The following GSR variants were observed in gnomAD, a reference collection of about 807,000 sequenced individuals.
GSR encodes glutathione-disulfide reductase, also known as glutathione reductase, mitochondrial.
A neutral mutation model predicts 56.5 loss-of-function variants in GSR; 48 were observed. The observed-to-expected ratio is 0.85, with a 90% CI of 0.67 to 1.08. The LOEUF (loss-of-function observed/expected upper bound fraction) is 1.08, where lower values mean the gene tolerates loss of function less well. GSR is among the 50% of genes least tolerant of loss of function. The pLI is 0.00. For synonymous variants in GSR, 264 were observed against 270.8 expected (o/e 0.97, Z 0.25); for missense variants, 694 against 703.3 (o/e 0.99, Z 0.15).
intron 1 of GSR, among the ~76,000 whole-genome samples, chr8:30,725,811 G>A (rs1285166834): frequency 1.3e-5 from 2 of 150,204 alleles, no homozygotes; most frequent in African/African-American, 5.0e-5. Flanking sequence ...GAACCTGGGA[G>A]GCAGAGGTTG....
intron 6 of GSR, among the ~76,000 whole-genome samples, chr8:30,698,414 T>A (rs1420843647): frequency 6.6e-6 from 1 of 152,162 alleles, no homozygotes; most frequent in African/African-American, 2.4e-5. Flanking sequence ...CTCACATATG[T>A]CATGTCACTC....
chr8:30,688,305 A>T (rs1428785784), intron 9 of GSR, among the ~76,000 whole-genome samples: 1 of 152,214 alleles, frequency 6.6e-6, no homozygotes, highest in African/African-American at 2.4e-5. Flanking sequence ...CCGGCTGGGC[A>T]TGGAGGCTCA....
intron 11 of GSR, among the ~76,000 whole-genome samples, chr8:30,681,326 T>C (rs900515744): frequency 6.6e-6 from 1 of 151,812 alleles, no homozygotes; most frequent in Admixed American, 6.6e-5. Flanking sequence ...GCCCAGGAGA[T>C]TGAGACCAGC....
chr8:30,712,092 G>GAAA lies in GSR; in HGVS notation c.307-7_307-5dup. 47 of 1,135,062 alleles carry GAAA rather than the reference G, an allele frequency of 4.1e-5. No individual in the cohort carries two copies. Among genetic ancestry groups the GAAA allele is most frequent in the Non-Finnish European group, 4.8e-5 (39 of 813,898 alleles). The allele number at this position is 1,135,062 out of a possible 1,614,324, so 70.3% of individuals were successfully genotyped here. A position where few individuals can be genotyped will look rare whatever the true frequency, so the allele number is the denominator to read the frequency against. ...TGGGTACACATCCAACATTCACCTGGAAAAAAAAAAAAGAGACACACTTTA... is the reference window on the plus strand; with the variant it reads ...TGGGTACACATCCAACATTCACCTGGAAAAAAAAAAAAAAAGAGACACACTTTA... On this transcript the variant is annotated splice_region_variant and splice_polypyrimidine_tract_variant and intron_variant, in intron 1 of 12. Transcript: ENST00000221130.
intron 12 of GSR, among the ~76,000 whole-genome samples, chr8:30,680,401 T>C: frequency 6.9e-6 from 1 of 145,834 alleles, no homozygotes; most frequent in African/African-American, 2.5e-5. Flanking sequence ...TTTTTTTTTT[T>C]TTTTTTGCTT....
At chr8:30,724,582 T>A (rs1282689123) in intron 1 of GSR, among the ~76,000 whole-genome samples, 1 of 110,466 alleles carries the variant, frequency 9.1e-6, no homozygotes, top group East Asian at 3.2e-4. Flanking sequence ...AGAGTCTCAC[T>A]CTGTTGCCCA....
At chr8:30,723,223 AG>A (rs894686044) in intron 1 of GSR, among the ~76,000 whole-genome samples, 19 of 152,204 alleles carry the variant, frequency 1.2e-4, no homozygotes, top group African/African-American at 4.3e-4. Flanking sequence ...ACAGAGGCAA[AG>A]CTCCCAGAAG....
intron 10 of GSR, among the ~76,000 whole-genome samples, chr8:30,683,744 A>G (rs1803033299): frequency 1.0e-5 from 1 of 98,662 alleles, no homozygotes; most frequent in African/African-American, 4.2e-5. Flanking sequence ...CCTGGGTAAC[A>G]GAGTGTCTCC....
At position 30,684,119 on chromosome 8, in the gene GSR, C is replaced by G; in HGVS notation, c.1122G>C (p.Gly374=). 1 of 1,600,256 alleles carries G rather than the reference C, an allele frequency of 6.2e-7. No homozygotes were observed. Among genetic ancestry groups the G allele is most frequent in the South Asian group, 1.1e-5 (1 of 90,786 alleles). ...NTNVKGIYAV[G]DVCGKALLTP... ...TAAGAAGAGCTTTTCCACATACATCCCCAACTGCATAGATGCCTTTGACGT... is the reference window on the plus strand; with the variant it reads ...TAAGAAGAGCTTTTCCACATACATCGCCAACTGCATAGATGCCTTTGACGT... Residue 374 remains glycine (G), a synonymous_variant, in exon 10 of 13, where the codon GGG becomes GGC. Coordinates refer to ENST00000221130, the MANE Select transcript of GSR (RefSeq NM_000637.5).
rs974540730 is a variant in GSR, at chr8:30,681,823, T to C, written c.1285+107A>G. On this transcript the variant is annotated intron_variant, in intron 11 of 12. Transcript: ENST00000221130. ...AGAGAGTAACCAAAAAGCAATGTAA[T>C]CTGGGGCTGAGATAGGTTTCATCAG... 25 of 1,047,852 alleles carry C rather than the reference T, an allele frequency of 2.4e-5. No individual in the cohort carries two copies. In the African/African-American group the frequency reaches 3.4e-4, roughly 14 times the overall value. 64.9% of individuals were successfully genotyped at this position (1,047,852 alleles called of 1,614,324 possible). A position where few individuals can be genotyped will look rare whatever the true frequency, so the allele number is the denominator to read the frequency against.
chr8:30,712,753 T>G (rs530986229), intron 1 of GSR, among the ~76,000 whole-genome samples: 1 of 152,282 alleles, frequency 6.6e-6, no homozygotes, highest in South Asian at 2.1e-4. Flanking sequence ...GCACAAAAAT[T>G]TAAAGTACAT....
chr8:30,689,176 C>T lies in GSR; in HGVS notation c.1026G>A (p.Leu342=), dbSNP rs776555712. The T allele has an allele frequency of 6.2e-7, 1 of 1,613,940 alleles. No individual in the cohort carries two copies. The highest frequency in any genetic ancestry group is 8.5e-7 in the Non-Finnish European group (1 of 1,179,982). ...AIGRVPNTKD[L]SLNKLGIQTD... ...GCCAGCTTACCAGTTTGTTTAAACT[C>T]AGGTCCTTGGTATTCGGGACCCGCC... Residue 342 remains leucine (L), a synonymous_variant, in exon 9 of 13, where the codon CTG becomes CTA. Transcript: ENST00000221130.
chr8:30,683,959 C>A (rs1362350713), intron 10 of GSR, 129 bp downstream of exon 10: 4 of 753,692 alleles, frequency 5.3e-6, no homozygotes, highest in African/African-American at 1.7e-5. Flanking sequence ...ACACATTGTA[C>A]CATTTTGACA....
At chr8:30,685,001 G>A (rs1426422733) in intron 9 of GSR, among the ~76,000 whole-genome samples, 3 of 149,648 alleles carry the variant, frequency 2.0e-5, no homozygotes, top group Non-Finnish European at 3.0e-5. Context: ...ATGGAGTCTC[G>A]CTCTGTCGCC....
At position 30,717,827 on chromosome 8, in the gene GSR, G is replaced by A. The variant is rs115884502; in HGVS notation, c.307-5739C>T. ...ACAATAAATGTGATGCAGGCTGGGC[G>A]TGGTGCCGCAAGCCTGTAATTGCAG... On this transcript the variant is annotated intron_variant, in intron 1 of 12. Coordinates refer to ENST00000221130, the MANE Select transcript of GSR (RefSeq NM_000637.5). 9.3e-3 allele frequency among the ~76,000 whole-genome samples: 1,413 copies of A among 152,174 alleles called. 23 individuals carry two copies. Among genetic ancestry groups the A allele is most frequent in the African/African-American group, 0.032 (1,314 of 41,494 alleles).
At chr8:30,715,028 C>T (rs1198839026) in intron 1 of GSR, among the ~76,000 whole-genome samples, 1 of 152,046 alleles carries the variant, frequency 6.6e-6, no homozygotes, top group Non-Finnish European at 1.5e-5. Context: ...GTAATCCCCA[C>T]GCTTTGGGAG....
intron 12 of GSR, among the ~76,000 whole-genome samples, chr8:30,680,130 A>C (rs1319957577): frequency 1.3e-5 from 2 of 152,188 alleles, no homozygotes; most frequent in Non-Finnish European, 2.9e-5. Flanking sequence ...CAACTGAATG[A>C]ATGATAACTG....
chr8:30,723,831 G>A (rs1804637281), intron 1 of GSR, among the ~76,000 whole-genome samples: 1 of 151,492 alleles, frequency 6.6e-6, no homozygotes, highest in South Asian at 2.1e-4. Flanking sequence ...CAGGTCTGCT[G>A]GGACCTAGTA....
rs181548260 is a variant in GSR at position 30,724,794 on chromosome 8, C to T, written c.306+2736G>A. ...CAGGTGATCTGCCCACCTTGGCCTC[C>T]CAAAGTGCTGGCGTGAGCCATCACG... On this transcript the variant is annotated intron_variant, in intron 1 of 12. Coordinates refer to ENST00000221130, the MANE Select transcript of GSR (RefSeq NM_000637.5). 6.2e-4 allele frequency among the ~76,000 whole-genome samples: 95 copies of T among 152,264 alleles called. 1 individual carries two copies. Among genetic ancestry groups the T allele is most frequent in the Admixed American group, 2.4e-3 (37 of 15,294 alleles).
Sources: allele counts gnomAD v4.1 joint callset (sites outside exome capture counted in the v4.1 genomes callset), GRCh38; gene constraint gnomAD v4.1.1; transcripts MANE v1.5; gene names NCBI Gene and HGNC (gene_info 2026-07-23, HGNC 2026-07-21).